Variants in DTWD2 observed in about 807,000 individuals in gnomAD.
DTWD2 encodes the protein tRNA-uridine aminocarboxypropyltransferase 2.
DTWD2 carries 39 observed loss-of-function variants against 31.8 expected under a neutral mutation model. The ratio of observed to expected loss-of-function variants is 1.22; its 90% CI spans 0.95 to 1.60. The LOEUF (loss-of-function observed/expected upper bound fraction) is 1.60, where lower values mean the gene tolerates loss of function less well. DTWD2 is among the 40% of genes most tolerant of loss of function. DTWD2 has a pLI of 0.00. For synonymous variants in DTWD2, 180 were observed against 142.8 expected (o/e 1.26, Z -1.86); for missense variants, 515 against 381.5 (o/e 1.35, Z -2.92).
chr5:118,943,367 C>T (rs760897036), intron 2 of DTWD2, among the ~76,000 whole-genome samples: 4 of 151,938 alleles, frequency 2.6e-5, no homozygotes, highest in African/African-American at 7.3e-5. Context: ...CTGGCTAACA[C>T]GGTGAAACCC....
chr5:118,843,986 A>G (rs552937322), intron 5 of DTWD2, among the ~76,000 whole-genome samples: 241 of 152,336 alleles, frequency 1.6e-3, no homozygotes, highest in Non-Finnish European at 3.0e-3. Context: ...AGGATACACC[A>G]CCTTCCTTGC....
chr5:118,968,868 C>G (rs1232114385), intron 1 of DTWD2, among the ~76,000 whole-genome samples: 1 of 152,204 alleles, frequency 6.6e-6, no homozygotes, highest in African/African-American at 2.4e-5. Context: ...CATGTTAACA[C>G]CCACTGGCTT....
chr5:118,918,772 G>A (rs1753636563), intron 4 of DTWD2, among the ~76,000 whole-genome samples: 1 of 151,226 alleles, frequency 6.6e-6, no homozygotes, highest in South Asian at 2.1e-4. Context: ...AGGATTACTT[G>A]AGCCCAGGGG....
At chr5:118,913,567 G>A (rs983242395) in intron 4 of DTWD2, among the ~76,000 whole-genome samples, 2 of 151,646 alleles carry the variant, frequency 1.3e-5, no homozygotes, top group Non-Finnish European at 2.9e-5. Context: ...TATTTCACTT[G>A]TCACAAGAAC....
chr5:118,843,363 GAGGAAGGGAGGAAGGA>G (rs1266343617), intron 5 of DTWD2, among the ~76,000 whole-genome samples: 1 of 72,558 alleles, frequency 1.4e-5, no homozygotes, highest in Non-Finnish European at 2.6e-5. Flanking sequence ...GGGAGGAAGG[GAGGAAGGGAGGAAGGA>G]AGGAGAGAGA....
At chr5:118,971,448 T>C (rs564255673) in intron 1 of DTWD2, among the ~76,000 whole-genome samples, 2 of 152,280 alleles carry the variant, frequency 1.3e-5, no homozygotes, top group Admixed American at 6.5e-5. Flanking sequence ...CCTAAATATA[T>C]ATGCACCCAA....
At chr5:118,910,721 A>G (rs893427067) in intron 4 of DTWD2, among the ~76,000 whole-genome samples, 1 of 152,170 alleles carries the variant, frequency 6.6e-6, no homozygotes, top group African/African-American at 2.4e-5. Context: ...AGTCCATTCA[A>G]GCTACTATAA....
chr5:118,950,041 A>T (rs1232378512), intron 1 of DTWD2, among the ~76,000 whole-genome samples: 2 of 151,804 alleles, frequency 1.3e-5, no homozygotes, highest in Non-Finnish European at 2.9e-5. Context: ...AAACCCCGTC[A>T]CTATTAAAAA....
chr5:118,927,177 C>A (rs903920606), intron 4 of DTWD2, among the ~76,000 whole-genome samples: 1 of 151,022 alleles, frequency 6.6e-6, no homozygotes, highest in Admixed American at 6.6e-5. Flanking sequence ...AGGGCTCTGC[C>A]TTCATAATCT....
At chr5:118,986,765 A>G (rs1423938008) in intron 1 of DTWD2, among the ~76,000 whole-genome samples, 1 of 152,120 alleles carries the variant, frequency 6.6e-6, no homozygotes, top group Non-Finnish European at 1.5e-5. Context: ...AAGAGGGAGG[A>G]GAGCTTTTCA....
intron 4 of DTWD2, among the ~76,000 whole-genome samples, chr5:118,896,109 C>G (rs1328072052): frequency 6.6e-6 from 1 of 152,080 alleles, no homozygotes; most frequent in Non-Finnish European, 1.5e-5. Flanking sequence ...GTAAAATTAT[C>G]AAACTATGAG....
At chr5:118,966,325 T>G (rs577925144) in intron 1 of DTWD2, among the ~76,000 whole-genome samples, 1 of 152,312 alleles carries the variant, frequency 6.6e-6, no homozygotes, top group African/African-American at 2.4e-5. Context: ...GGGTGCGCAG[T>G]GGTTGTCATA....
intron 3 of DTWD2, among the ~76,000 whole-genome samples, chr5:118,928,976 C>T (rs1753866545): frequency 6.6e-6 from 1 of 152,198 alleles, no homozygotes; most frequent in Admixed American, 6.5e-5. Flanking sequence ...TCTATCAAAG[C>T]TTTTCTATCC....
intron 4 of DTWD2, among the ~76,000 whole-genome samples, chr5:118,896,545 T>C (rs775166333): frequency 9.2e-5 from 14 of 151,798 alleles, no homozygotes; most frequent in Non-Finnish European, 2.1e-4. Flanking sequence ...AGAGAAGGTA[T>C]AGATAACATA....
chr5:118,929,201 T>G (rs1753871381), intron 3 of DTWD2, among the ~76,000 whole-genome samples: 1 of 152,216 alleles, frequency 6.6e-6, no homozygotes, highest in African/African-American at 2.4e-5. Context: ...ATTCTCAAAT[T>G]CACCTTTGTT....
chr5:118,954,725 A>G (rs1754547409), intron 1 of DTWD2, among the ~76,000 whole-genome samples: 1 of 151,814 alleles, frequency 6.6e-6, no homozygotes, highest in African/African-American at 2.4e-5. Context: ...TTTTTTTTGT[A>G]GAGGTGAAGT....
chr5:118,959,302 T>C (rs1412339316), intron 1 of DTWD2, among the ~76,000 whole-genome samples: 3 of 152,012 alleles, frequency 2.0e-5, no homozygotes, highest in Non-Finnish European at 4.4e-5. Flanking sequence ...TATACACCAA[T>C]AATGTCCAAG....
chr5:118,966,781 G>A (rs1323328994), intron 1 of DTWD2, among the ~76,000 whole-genome samples: 1 of 152,070 alleles, frequency 6.6e-6, no homozygotes, highest in African/African-American at 2.4e-5. Flanking sequence ...TGTAATCCCA[G>A]CACTTTGAGA....
chr5:118,844,046 G>A (rs1751789390), intron 5 of DTWD2, among the ~76,000 whole-genome samples: 1 of 152,228 alleles, frequency 6.6e-6, no homozygotes, highest in Non-Finnish European at 1.5e-5. Flanking sequence ...TCCTCCATCA[G>A]GTTGGGTGCC....
Sources: gnomAD v4.1 joint callset for allele counts (sites outside exome capture counted in the v4.1 genomes callset) on GRCh38, gnomAD v4.1.1 for gene constraint, MANE v1.5 for transcripts, NCBI Gene and HGNC (gene_info 2026-07-23, HGNC 2026-07-21) for gene names.